The following CNBD1 variants were observed in gnomAD, a reference collection of about 807,000 sequenced individuals.
CNBD1 encodes the protein cyclic nucleotide-binding domain-containing protein 1.
CNBD1 carries 71 observed loss-of-function variants against 54.4 expected under a neutral mutation model. That is an observed-to-expected ratio of 1.30 (90% confidence interval 1.08 to 1.59). CNBD1 has a LOEUF of 1.59. Among genes scored for constraint, CNBD1 ranks in the 40% most tolerant of loss-of-function variants. CNBD1 has a pLI of 0.00. For missense variants in CNBD1, 659 were observed against 518.0 expected (o/e 1.27, Z -2.64); for synonymous variants, 182 against 170.7 (o/e 1.07, Z -0.51).
intron 1 of CNBD1, among the ~76,000 whole-genome samples, chr8:86,880,403 A>G (rs1343519193): frequency 1.3e-5 from 2 of 152,370 alleles, no homozygotes; most frequent in South Asian, 4.1e-4. Context: ...GTATAACACT[A>G]TTTAAATAGG....
At chr8:87,146,180 C>T (rs1379586270) in intron 4 of CNBD1, among the ~76,000 whole-genome samples, 1 of 152,056 alleles carries the variant, frequency 6.6e-6, no homozygotes, top group East Asian at 1.9e-4. Flanking sequence ...TAATTATAGA[C>T]TTTTCTTTCT....
intron 10 of CNBD1, among the ~76,000 whole-genome samples, chr8:87,361,709 T>TATATATA (rs1554582984): frequency 6.7e-6 from 1 of 150,266 alleles, no homozygotes; most frequent in African/African-American, 2.4e-5. Context: ...TATATATATA[T>TATATATA]TCTTGTTCAC....
chr8:87,344,048 A>G (rs558441432), intron 8 of CNBD1, among the ~76,000 whole-genome samples: 24 of 152,130 alleles, frequency 1.6e-4, no homozygotes, highest in Admixed American at 3.9e-4. Context: ...ATAGAATGGT[A>G]TGTAGTTTGT....
intron 4 of CNBD1, among the ~76,000 whole-genome samples, chr8:87,045,210 A>T (rs547234859): frequency 1.3e-5 from 2 of 152,106 alleles, no homozygotes; most frequent in Non-Finnish European, 2.9e-5. Flanking sequence ...GTGAGAGGAA[A>T]CAATTCCGGT....
At chr8:87,179,780 C>T (rs546096834) in intron 4 of CNBD1, among the ~76,000 whole-genome samples, 1 of 152,170 alleles carries the variant, frequency 6.6e-6, no homozygotes, top group African/African-American at 2.4e-5. Context: ...TGTCTACATA[C>T]AAGATAATCA....
chr8:87,078,430 T>C (rs1054484931), intron 4 of CNBD1, among the ~76,000 whole-genome samples: 1 of 152,214 alleles, frequency 6.6e-6, no homozygotes, highest in Admixed American at 6.5e-5. Flanking sequence ...TCAAGCAATG[T>C]AACAAGGAAC....
intron 6 of CNBD1, among the ~76,000 whole-genome samples, chr8:87,253,028 A>G (rs1364434605): frequency 2.6e-5 from 4 of 152,198 alleles, no homozygotes; most frequent in Non-Finnish European, 5.9e-5. Context: ...TCAGTGGACA[A>G]TGAATAATAG....
intron 3 of CNBD1, among the ~76,000 whole-genome samples, chr8:86,936,184 T>C (rs566748332): frequency 9.8e-5 from 15 of 152,302 alleles, no homozygotes; most frequent in South Asian, 8.3e-4. Flanking sequence ...TTGTTTTATC[T>C]GTGCCTCTTT....
chr8:87,311,776 C>T (rs898698133), intron 8 of CNBD1, among the ~76,000 whole-genome samples: 1 of 151,890 alleles, frequency 6.6e-6, no homozygotes, highest in East Asian at 1.9e-4. Flanking sequence ...TAAAAAAGAG[C>T]AAAATCATGT....
At chr8:87,253,352 C>T (rs1371268598) in intron 6 of CNBD1, among the ~76,000 whole-genome samples, 1 of 152,112 alleles carries the variant, frequency 6.6e-6, no homozygotes, top group Non-Finnish European at 1.5e-5. Context: ...TGTTTCTTCC[C>T]TGGCATCCTC....
chr8:87,036,562 C>A (rs1224561627), intron 4 of CNBD1, among the ~76,000 whole-genome samples: 3 of 134,440 alleles, frequency 2.2e-5, no homozygotes, highest in South Asian at 4.5e-4. Flanking sequence ...CCACTGCACT[C>A]CAGCCTGGGC....
intron 4 of CNBD1, among the ~76,000 whole-genome samples, chr8:86,958,295 A>G (rs775061239): frequency 1.3e-5 from 2 of 152,174 alleles, no homozygotes; most frequent in Non-Finnish European, 2.9e-5. Context: ...CTGAGAAAAG[A>G]GTGTATATTC....
chr8:87,183,534 C>T (rs1813409007), intron 4 of CNBD1, among the ~76,000 whole-genome samples: 1 of 151,730 alleles, frequency 6.6e-6, no homozygotes, highest in African/African-American at 2.4e-5. Context: ...GTCTGTTGTT[C>T]CAGCCATTTC....
At chr8:87,371,323 T>C (rs112523733) in intron 10 of CNBD1, among the ~76,000 whole-genome samples, 2,208 of 152,036 alleles carry the variant, frequency 0.015, 53 homozygotes, top group African/African-American at 0.048. Context: ...TTGGGCAGTA[T>C]GGCCATTTTC....
intron 2 of CNBD1, among the ~76,000 whole-genome samples, chr8:87,402,299 G>C (rs1040823197): frequency 6.6e-6 from 1 of 151,876 alleles, no homozygotes; most frequent in African/African-American, 2.4e-5. Flanking sequence ...ATGAGATTTG[G>C]GTGGGGACAC....
intron 8 of CNBD1, among the ~76,000 whole-genome samples, chr8:87,298,347 G>T (rs377494814): frequency 1.3e-5 from 2 of 151,968 alleles, no homozygotes; most frequent in Non-Finnish European, 1.5e-5. Context: ...GGCAAAGCGC[G>T]ATGGAAGACT....
chr8:87,293,084 A>G (rs1424738496), intron 8 of CNBD1, among the ~76,000 whole-genome samples: 2 of 152,144 alleles, frequency 1.3e-5, no homozygotes, highest in African/African-American at 2.4e-5. Context: ...CATTCTACCA[A>G]TGGTCTCCTT....
intron 5 of CNBD1, among the ~76,000 whole-genome samples, chr8:87,223,293 A>C (rs2130810941): frequency 6.6e-6 from 1 of 150,972 alleles, no homozygotes; most frequent in East Asian, 2.0e-4. Context: ...CACATTGTGC[A>C]GGTTAGTTAC....
intron 5 of CNBD1, among the ~76,000 whole-genome samples, chr8:87,229,285 C>G (rs537907568): frequency 1.3e-5 from 2 of 152,008 alleles, no homozygotes; most frequent in Non-Finnish European, 2.9e-5. Flanking sequence ...CCCGATTTTT[C>G]TTAAATGCTG....
Sources: allele counts gnomAD v4.1 joint callset (sites outside exome capture counted in the v4.1 genomes callset), GRCh38; gene constraint gnomAD v4.1.1; transcripts MANE v1.5; gene names NCBI Gene and HGNC (gene_info 2026-07-23, HGNC 2026-07-21).